Variants in ZNF451 observed in about 807,000 individuals in gnomAD.
ZNF451 encodes zinc finger protein 451.
Under a neutral mutation model 107.1 loss-of-function variants are expected in ZNF451, and 80 were observed. That is an observed-to-expected ratio of 0.75 (90% CI 0.62 to 0.90). ZNF451 has a LOEUF of 0.90. Ranked by LOEUF, ZNF451 falls within the 40% of genes least tolerant of loss-of-function variation. The probability of loss-of-function intolerance (pLI) is 0.00; values close to 1 mark genes in which losing one functional copy is unlikely to be tolerated. For synonymous variants in ZNF451, 362 were observed against 406.5 expected, an observed-to-expected ratio of 0.89 and a Z score of 1.32; for missense variants, 1,107 against 1,236.2, an observed-to-expected ratio of 0.90 and a Z score of 1.57.
At chr6:57,118,211 C>T (rs1830462835) in intron 3 of ZNF451, among the ~76,000 whole-genome samples, 1 of 151,716 alleles carries the variant, frequency 6.6e-6, no homozygotes, top group South Asian at 2.1e-4. Flanking sequence ...ATTGTCATTA[C>T]TGTCTTTTTT....
rs1831048903 is a variant in ZNF451, at chr6:57,128,810, CTGTG to C, written c.399_402del (p.Cys133TrpfsTer5). ...ACATTCTGATACAGAAGCAGCAAGA[CTGTG>C]TGTGGACCAGTGGCTAAAAATGCCA... is the stretch of plus-strand genomic sequence containing the variant. On this transcript the variant is annotated frameshift_variant, in exon 5 of 15. Transcript: ENST00000370706. LOFTEE classifies it high-confidence loss of function. The C allele has an allele frequency of 1.2e-6, 2 of 1,612,900 alleles. No homozygotes were observed. The highest frequency in any genetic ancestry group is 1.7e-6 in the Non-Finnish European group (2 of 1,179,314).
chr6:57,156,695 A>G lies in ZNF451; in HGVS notation c.3070+2648A>G, dbSNP rs372408530. On this transcript the variant is annotated intron_variant, in intron 13 of 14. Coordinates refer to ENST00000370706, the MANE Select transcript of ZNF451 (RefSeq NM_001031623.3). Reference sequence around the variant, plus strand: ...GTGGTCTCAACGCTTCTAGATGCCAATCAACAAACAAAATTGTCCTTTGGG... The same window carrying G: ...GTGGTCTCAACGCTTCTAGATGCCAGTCAACAAACAAAATTGTCCTTTGGG... 1.1e-3 allele frequency among the ~76,000 whole-genome samples: 162 copies of G among 152,326 alleles called. 1 individual carries two copies. The highest frequency in any genetic ancestry group is 3.8e-3 in the African/African-American group (157 of 41,566).
chr6:57,167,172 C>T (rs900289328), intron 14 of ZNF451, among the ~76,000 whole-genome samples: 2 of 150,408 alleles, frequency 1.3e-5, no homozygotes, highest in African/African-American at 5.0e-5. Flanking sequence ...GTTGTGATTT[C>T]GTATATATAT....
At chr6:57,138,704 C>CATATATATATATAT (rs60629541) in intron 7 of ZNF451, among the ~76,000 whole-genome samples, 7 of 43,778 alleles carry the variant, frequency 1.6e-4, no homozygotes, top group South Asian at 2.8e-3. Flanking sequence ...GCAGCTATGC[C>CATATATATATATAT]ATATATATAT....
chr6:57,161,243 T>C (rs1308010296), intron 14 of ZNF451, 91 bp downstream of exon 14: 3 of 662,424 alleles, frequency 4.5e-6, no homozygotes, highest in South Asian at 4.0e-5. Context: ...ACCCCTCTTA[T>C]TCCCTTCTAC....
intron 14 of ZNF451, among the ~76,000 whole-genome samples, chr6:57,168,032 T>C (rs1362362010): frequency 2.0e-5 from 3 of 152,216 alleles, no homozygotes; most frequent in Non-Finnish European, 4.4e-5. Context: ...TGTGACATTT[T>C]GTCATTTCAT....
intron 14 of ZNF451, among the ~76,000 whole-genome samples, chr6:57,168,175 A>G (rs1763981920): frequency 6.6e-6 from 1 of 152,302 alleles, no homozygotes; most frequent in African/African-American, 2.4e-5. Flanking sequence ...TTGACTTTCT[A>G]CATTCCTAAG....
chr6:57,095,996 G>T (rs1024860184), intron 2 of ZNF451, among the ~76,000 whole-genome samples: 3 of 151,568 alleles, frequency 2.0e-5, no homozygotes, highest in African/African-American at 7.3e-5. Flanking sequence ...GCTAATTTTT[G>T]TATTTTTAAT....
At chr6:57,111,181 G>A (rs548089402) in intron 3 of ZNF451, among the ~76,000 whole-genome samples, 4 of 151,650 alleles carry the variant, frequency 2.6e-5, no homozygotes, top group East Asian at 2.0e-4. Context: ...TTGGCCTCCC[G>A]AAGTGCTGGG....
chr6:57,159,015 A>G (rs757835962), intron 13 of ZNF451: 36 of 985,454 alleles, frequency 3.7e-5, no homozygotes, highest in Non-Finnish European at 4.3e-5. Flanking sequence ...ACCTAAAATA[A>G]TTGTTGAACT....
rs1764016276 is a variant in ZNF451, at chr6:57,168,877, A to T, written c.*408A>T. On this transcript the variant is annotated 3_prime_UTR_variant, in exon 15 of 15. Coordinates refer to ENST00000370706, the MANE Select transcript of ZNF451 (RefSeq NM_001031623.3). ...TTAGCAGTGAAAATGAATATAAAAA[A>T]GGTGACATAGGTCAAGTTTTCCATA... The T allele has an allele frequency of 6.4e-6, 1 of 156,210 alleles. No homozygotes were observed. 9.7% of individuals were successfully genotyped at this position (156,210 alleles called of 1,614,324 possible).
chr6:57,101,386 A>G, intron 3 of ZNF451: 2 of 1,550,702 alleles, frequency 1.3e-6, no homozygotes, highest in Non-Finnish European at 1.7e-6. Context: ...TTCTTCCTTC[A>G]TGGGACACAG....
chr6:57,152,161 A>C (rs1436538683), intron 11 of ZNF451, 60 bp from the exon 12 acceptor site: 14 of 1,531,846 alleles, frequency 9.1e-6, no homozygotes, highest in African/African-American at 1.4e-5. Context: ...TTTCTTGATA[A>C]AATTTTTGGC....
Position 57,161,156 on chromosome 6 carries a change from A to G in ZNF451, c.3139+4A>G. The G allele has an allele frequency of 6.7e-7, 1 of 1,489,152 alleles. No individual in the cohort carries two copies. Among genetic ancestry groups the G allele is most frequent in the South Asian group, 1.4e-5 (1 of 70,176 alleles). 92.2% of individuals were successfully genotyped at this position (1,489,152 alleles called of 1,614,324 possible). ...GAAGAATTTATATCCACAGAAGGTA[A>G]CCTAATAGAGTTAATCTCTTTTCTA... On this transcript the variant is annotated splice_donor_region_variant and intron_variant, in intron 14 of 14. Transcript: ENST00000370706.
At chr6:57,114,753 A>G (rs1215806384) in intron 3 of ZNF451, 1 of 152,194 alleles carries the variant, frequency 6.6e-6, no homozygotes, top group Non-Finnish European at 1.5e-5. Context: ...AAAGACTGAG[A>G]TCCTTAACAT....
chr6:57,097,006 G>A (rs1829360368), intron 2 of ZNF451, among the ~76,000 whole-genome samples: 1 of 151,764 alleles, frequency 6.6e-6, no homozygotes, highest in African/African-American at 2.4e-5. Flanking sequence ...CTGACCTCAA[G>A]TCATCTACCC....
intron 3 of ZNF451, among the ~76,000 whole-genome samples, chr6:57,121,057 G>T (rs778165980): frequency 6.6e-6 from 1 of 152,112 alleles, no homozygotes; most frequent in African/African-American, 2.4e-5. Context: ...GTTAATTTTT[G>T]TGAAGGGTGT....
At position 57,124,847 on chromosome 6, in the gene ZNF451, T is replaced by C. The variant is rs1381719266; in HGVS notation, c.300T>C (p.Asn100=). Residue 100 remains asparagine (N), a synonymous_variant, in exon 4 of 15, where the codon AAT becomes AAC. Transcript: ENST00000370706. ...EVEKQQKEEK[N]RAFREKIDFQ... is the part of the protein sequence containing the mutation. The stretch of plus-strand genomic sequence containing the variant: ...AGAAACAGCAGAAAGAAGAGAAGAA[T>C]AGAGCATTCAGAGTATGTGCTATTT... The C allele has an allele frequency of 6.2e-7, 1 of 1,606,026 alleles. No individual in the cohort carries two copies. Among genetic ancestry groups the C allele is most frequent in the Admixed American group, 1.7e-5 (1 of 59,384 alleles).
intron 3 of ZNF451, chr6:57,099,413 A>G: frequency 1.4e-6 from 1 of 711,604 alleles, no homozygotes; most frequent in Non-Finnish European, 2.6e-6. Flanking sequence ...AAATGGAATA[A>G]AAACTGCAAG....
Sources: gnomAD v4.1 joint callset for allele counts (sites outside exome capture counted in the v4.1 genomes callset) on GRCh38, gnomAD v4.1.1 for gene constraint, MANE v1.5 for transcripts, NCBI Gene and HGNC (gene_info 2026-07-23, HGNC 2026-07-21) for gene names.